STK32A: variants seen among roughly 807,000 people sequenced by gnomAD.
STK32A encodes the protein serine/threonine kinase 32A.
STK32A carries 41 observed loss-of-function variants against 53.2 expected under a neutral mutation model. That is an observed-to-expected ratio of 0.77 (90% confidence interval 0.60 to 1.00). The LOEUF is 1.00. Among genes scored for constraint, STK32A ranks in the 50% least tolerant of loss-of-function variants. The pLI, the probability that STK32A is intolerant of heterozygous loss-of-function variation, is 0.00. For missense variants in STK32A, 458 were observed against 485.8 expected (o/e 0.94, Z 0.54); for synonymous variants, 166 against 162.8 (o/e 1.02, Z -0.15).
At chr5:147,378,400 A>G (rs911740310) in intron 11 of STK32A, among the ~76,000 whole-genome samples, 1 of 152,266 alleles carries the variant, frequency 6.6e-6, no homozygotes, top group South Asian at 2.1e-4. Context: ...GTTTCTGATC[A>G]TAGGAATTAC....
intron 11 of STK32A, 76 bp from the exon 12 acceptor site, chr5:147,383,365 C>G: frequency 8.3e-7 from 1 of 1,203,114 alleles, no homozygotes; most frequent in Non-Finnish European, 1.2e-6. Context: ...AGACTGTCAC[C>G]AGGTTATTGG....
chr5:147,316,186 A>G (rs1477966940), intron 4 of STK32A, among the ~76,000 whole-genome samples: 1 of 152,236 alleles, frequency 6.6e-6, no homozygotes, highest in Admixed American at 6.5e-5. Flanking sequence ...TAATGATATC[A>G]TTGAGAACCA....
chr5:147,351,128 C>T lies in STK32A; in HGVS notation c.536C>T (p.Thr179Ile), dbSNP rs1268591353. Residue 179 changes from threonine (T) to isoleucine (I), a missense_variant, in exon 7 of 13, where the codon ACC (threonine) becomes ATC (isoleucine). Thr to Ile is a moderately conservative substitution (Grantham distance 89). Coordinates refer to ENST00000397936, the MANE Select transcript of STK32A (RefSeq NM_001112724.2). Reference sequence around the variant, plus strand: ...CTGCCCAGGGAGACACAGATTACCACCATGGCTGGCACCAAGCCTTACATG... The same window carrying T: ...CTGCCCAGGGAGACACAGATTACCATCATGGCTGGCACCAAGCCTTACATG... ...AMLPRETQIT[T>I]MAGTKPYMAP... 2 of 1,613,848 alleles carry T rather than the reference C, an allele frequency of 1.2e-6. No homozygotes were observed. Among genetic ancestry groups the T allele is most frequent in the African/African-American group, 2.7e-5 (2 of 74,912 alleles).
At chr5:147,375,492 T>C (rs1379112536) in intron 11 of STK32A, 1 of 290,204 alleles carries the variant, frequency 3.4e-6, no homozygotes, top group African/African-American at 2.2e-5. Context: ...AATTTACAAA[T>C]TTCCTGGGAG....
In STK32A at chr5:147,348,627, T is replaced by C. The variant is rs1755805092; in HGVS notation, c.473-2438T>C. On this transcript the variant is annotated intron_variant, in intron 6 of 12. Coordinates refer to ENST00000397936, the MANE Select transcript of STK32A (RefSeq NM_001112724.2). The stretch of plus-strand genomic sequence containing the variant: ...AGTCAGCTTGGAAATCTATGCAGAC[T>C]AAAGTAGACAGTTGCATGTCTGGCT... 3.4e-5 allele frequency: 25 copies of C among 738,898 alleles called. No individual in the cohort carries two copies. In the South Asian group the frequency reaches 3.6e-4, roughly 11 times the overall value. The allele number at this position is 738,898 out of a possible 1,614,324, so 45.8% of individuals were successfully genotyped here. A position where few individuals can be genotyped will look rare whatever the true frequency, so the allele number is the denominator to read the frequency against.
At chr5:147,307,353 A>G (rs1753459313) in intron 4 of STK32A, among the ~76,000 whole-genome samples, 1 of 151,986 alleles carries the variant, frequency 6.6e-6, no homozygotes, top group African/African-American at 2.4e-5. Context: ...GGGGACAGTG[A>G]CTCACGCTTG....
At chr5:147,380,917 C>G (rs1214575828) in intron 11 of STK32A, among the ~76,000 whole-genome samples, 1 of 152,144 alleles carries the variant, frequency 6.6e-6, no homozygotes, top group Non-Finnish European at 1.5e-5. Flanking sequence ...GTATTAGCCT[C>G]TTATACAAAT....
At chr5:147,281,398 G>A (rs1752057201) in intron 4 of STK32A, among the ~76,000 whole-genome samples, 1 of 151,938 alleles carries the variant, frequency 6.6e-6, no homozygotes, top group Non-Finnish European at 1.5e-5. Context: ...CAAATAGATA[G>A]CTTAAAGAAA....
chr5:147,252,882 A>C (rs1017769953), intron 2 of STK32A, among the ~76,000 whole-genome samples: 6 of 152,118 alleles, frequency 3.9e-5, no homozygotes, highest in African/African-American at 1.4e-4. Context: ...TATTTTGTTC[A>C]CTTTTGTATC....
chr5:147,268,009 A>G (rs1179190356), intron 2 of STK32A, among the ~76,000 whole-genome samples: 2 of 152,194 alleles, frequency 1.3e-5, no homozygotes, highest in Admixed American at 1.3e-4. Flanking sequence ...TTGAAAATAC[A>G]GATTCCCAGG....
At chr5:147,284,529 G>A (rs565338840) in intron 4 of STK32A, among the ~76,000 whole-genome samples, 28 of 152,042 alleles carry the variant, frequency 1.8e-4, no homozygotes, top group East Asian at 1.5e-3. Flanking sequence ...CTTCCAGAAA[G>A]CTCCTAGAAC....
rs77146889 is a variant in STK32A, at chr5:147,355,076, G to A, written c.562+3922G>A. Among the ~76,000 whole-genome samples, 32 of 152,158 alleles carry A rather than the reference G, an allele frequency of 2.1e-4. No individual in the cohort carries two copies. In the East Asian group the frequency reaches 6.0e-3, roughly 29 times the overall value. ...TAGTGCTTTCATAGGATACTAAGTA[G>A]CAATTCACCAGAAAGAACAAAAAGA... On this transcript the variant is annotated intron_variant, in intron 7 of 12. Coordinates refer to ENST00000397936, the MANE Select transcript of STK32A (RefSeq NM_001112724.2).
intron 5 of STK32A, among the ~76,000 whole-genome samples, chr5:147,324,456 G>A (rs1001756682): frequency 1.3e-5 from 2 of 152,148 alleles, no homozygotes; most frequent in Non-Finnish European, 2.9e-5. Context: ...AAAAGCTTGA[G>A]TCTTTCTAAT....
chr5:147,341,757 A>G (rs1416911291), intron 5 of STK32A, among the ~76,000 whole-genome samples: 1 of 152,186 alleles, frequency 6.6e-6, no homozygotes, highest in Non-Finnish European at 1.5e-5. Context: ...GTACAGCAAG[A>G]TAACTATAGT....
intron 4 of STK32A, among the ~76,000 whole-genome samples, chr5:147,303,163 G>A (rs1046792265): frequency 1.3e-5 from 2 of 152,152 alleles, no homozygotes; most frequent in Admixed American, 6.5e-5. Flanking sequence ...CTGTATAGAC[G>A]TGCTTTTAGA....
chr5:147,253,511 C>T (rs941523846), intron 2 of STK32A, among the ~76,000 whole-genome samples: 1 of 152,118 alleles, frequency 6.6e-6, no homozygotes, highest in Non-Finnish European at 1.5e-5. Flanking sequence ...CACTACCACG[C>T]CCGGCTAATT....
At chr5:147,263,775 G>GA (rs1754687719) in intron 2 of STK32A, among the ~76,000 whole-genome samples, 1 of 137,232 alleles carries the variant, frequency 7.3e-6, no homozygotes, top group African/African-American at 2.8e-5. Flanking sequence ...GAGAGAAAGA[G>GA]AAAATGGAAG....
intron 6 of STK32A, among the ~76,000 whole-genome samples, chr5:147,346,154 A>G (rs1374515031): frequency 6.6e-6 from 1 of 152,222 alleles, no homozygotes; most frequent in East Asian, 1.9e-4. Flanking sequence ...TGTAGAGCTG[A>G]TCTTGTGAGA....
chr5:147,373,099 G>A, intron 9 of STK32A, 70 bp from the exon 10 acceptor site: 1 of 1,589,352 alleles, frequency 6.3e-7, no homozygotes, highest in Non-Finnish European at 8.6e-7. Flanking sequence ...GCATTTAGAG[G>A]GAATTTGTAT....
Sources: gnomAD v4.1 joint callset for allele counts (sites outside exome capture counted in the v4.1 genomes callset) on GRCh38, gnomAD v4.1.1 for gene constraint, MANE v1.5 for transcripts, NCBI Gene and HGNC (gene_info 2026-07-23, HGNC 2026-07-21) for gene names.